The following UNC5C variants were observed in gnomAD, a reference collection of about 807,000 sequenced individuals.
UNC5C encodes the protein netrin receptor UNC5C.
A neutral mutation model predicts 99.8 loss-of-function variants in UNC5C; 47 were observed. The observed-to-expected ratio is 0.47, with a 90% CI of 0.37 to 0.60. The LOEUF is 0.60. Ranked by LOEUF, UNC5C falls within the 20% of genes least tolerant of loss-of-function variation. The pLI is 0.00. For synonymous variants in UNC5C, 487 were observed against 452.2 expected (o/e 1.08, Z -0.98); for missense variants, 1,062 against 1,165.9 (o/e 0.91, Z 1.30).
intron 2 of UNC5C, among the ~76,000 whole-genome samples, chr4:95,314,942 A>C (rs988360): frequency 0.85 from 128,955 of 152,154 alleles, 55,026 homozygotes; most frequent in African/African-American, 0.95. Context: ...TAGTAAATTC[A>C]TCTGCATTTT....
At chr4:95,357,680 T>C (rs185746243) in intron 1 of UNC5C, among the ~76,000 whole-genome samples, 2 of 152,096 alleles carry the variant, frequency 1.3e-5, no homozygotes, top group East Asian at 3.9e-4. Context: ...TGGTCTCAGC[T>C]ACTGGGAAGC....
At position 95,301,497 on chromosome 4, in the gene UNC5C, T is replaced by G. The variant is rs1351888921; in HGVS notation, c.490+109A>C. 1.7e-5 allele frequency: 26 copies of G among 1,508,042 alleles called. No individual in the cohort carries two copies. In the East Asian group the frequency reaches 5.9e-4, roughly 34 times the overall value. The allele number at this position is 1,508,042 out of a possible 1,614,324, so 93.4% of individuals were successfully genotyped here. The stretch of plus-strand genomic sequence containing the variant: ...GGCGTGAGTCACCGCGCCTGGCCTT[T>G]CCAGGATTTTTGACCAGTTTTCTTT... On this transcript the variant is annotated intron_variant, in intron 3 of 15. Transcript: ENST00000453304.
At chr4:95,454,496 CAAA>C (rs1747375734) in intron 1 of UNC5C, among the ~76,000 whole-genome samples, 1 of 151,966 alleles carries the variant, frequency 6.6e-6, no homozygotes, top group Non-Finnish European at 1.5e-5. Flanking sequence ...GAGTATTCTC[CAAA>C]ACGTTATTTT....
At chr4:95,194,986 C>T (rs1172396076) in intron 12 of UNC5C, among the ~76,000 whole-genome samples, 1 of 152,016 alleles carries the variant, frequency 6.6e-6, no homozygotes. Context: ...CAAAAATATC[C>T]CTGTGACTAA....
chr4:95,249,613 A>G (rs1739621223), intron 5 of UNC5C, among the ~76,000 whole-genome samples: 1 of 152,222 alleles, frequency 6.6e-6, no homozygotes, highest in Non-Finnish European at 1.5e-5. Context: ...TGAAATGACT[A>G]GAAAATAACT....
intron 1 of UNC5C, among the ~76,000 whole-genome samples, chr4:95,442,234 G>T (rs560830921): frequency 2.0e-5 from 3 of 151,964 alleles, no homozygotes; most frequent in South Asian, 2.1e-4. Flanking sequence ...AACAGGGTTT[G>T]GTCTGTTGCC....
At chr4:95,188,203 A>C (rs1252969111) in intron 12 of UNC5C, among the ~76,000 whole-genome samples, 2 of 152,076 alleles carry the variant, frequency 1.3e-5, no homozygotes, top group Non-Finnish European at 2.9e-5. Context: ...TTGTCCTTTC[A>C]CTAGTACCTG....
chr4:95,462,839 T>C (rs1414450540), intron 1 of UNC5C, among the ~76,000 whole-genome samples: 2 of 152,148 alleles, frequency 1.3e-5, no homozygotes, highest in Non-Finnish European at 2.9e-5. Context: ...GATCCTTTGA[T>C]TAAGGTAGAC....
chr4:95,307,446 A>G (rs904089584), intron 2 of UNC5C, among the ~76,000 whole-genome samples: 1 of 152,194 alleles, frequency 6.6e-6, no homozygotes, highest in Non-Finnish European at 1.5e-5. Flanking sequence ...ATGAAGGAAT[A>G]GAAAACCTGA....
At chr4:95,352,782 C>T (rs183913576) in intron 1 of UNC5C, among the ~76,000 whole-genome samples, 190 of 152,228 alleles carry the variant, frequency 1.2e-3, no homozygotes, top group African/African-American at 3.4e-3. Flanking sequence ...TTTTCATCAC[C>T]AGGACTCAAG....
intron 12 of UNC5C, among the ~76,000 whole-genome samples, chr4:95,192,406 TC>T (rs1333082033): frequency 2.4e-5 from 1 of 41,680 alleles, no homozygotes; most frequent in Non-Finnish European, 4.5e-5. Context: ...GCCCACCTCC[TC>T]CCCCCTTCTC....
rs182070343 is a variant in UNC5C, at chr4:95,297,388, G to A, written c.490+4218C>T. Among the ~76,000 whole-genome samples, 121 of 152,212 alleles carry A rather than the reference G, an allele frequency of 7.9e-4. 1 individual carries two copies. Among genetic ancestry groups the A allele is most frequent in the African/African-American group, 2.6e-3 (110 of 41,536 alleles). On this transcript the variant is annotated intron_variant, in intron 3 of 15. Coordinates refer to ENST00000453304, the MANE Select transcript of UNC5C (RefSeq NM_003728.4). ...TTCTCAGAGAGGAAAGATTAATGTC[G>A]AGCATTTGAACAAACTTCACTGGGA... is the stretch of plus-strand genomic sequence containing the variant.
chr4:95,325,310 G>A (rs10002089), intron 2 of UNC5C, among the ~76,000 whole-genome samples: 19,274 of 152,094 alleles, frequency 0.13, 1,358 homozygotes, highest in African/African-American at 0.17. Context: ...ATAACTACTT[G>A]GAGAATAAAC....
intron 1 of UNC5C, among the ~76,000 whole-genome samples, chr4:95,455,850 C>T (rs1335118396): frequency 6.6e-6 from 1 of 151,992 alleles, no homozygotes; most frequent in Non-Finnish European, 1.5e-5. Context: ...CTACATCCAC[C>T]ATGTCCATAG....
intron 12 of UNC5C, among the ~76,000 whole-genome samples, chr4:95,194,560 T>A (rs1193609455): frequency 6.6e-6 from 1 of 152,132 alleles, no homozygotes; most frequent in Non-Finnish European, 1.5e-5. Flanking sequence ...ATTCTTTGGC[T>A]CACGGTCCCC....
chr4:95,370,094 A>G (rs185002414), intron 1 of UNC5C, among the ~76,000 whole-genome samples: 197 of 152,340 alleles, frequency 1.3e-3, no homozygotes, highest in Admixed American at 2.5e-3. Flanking sequence ...CACATTAGCC[A>G]GTAGCCATAT....
rs1735761365 is a variant in UNC5C, at chr4:95,163,782, G to A, written c.*5452C>T. The A allele has an allele frequency of 6.6e-6, 1 of 152,312 alleles. No individual in the cohort carries two copies. Among genetic ancestry groups the A allele is most frequent in the East Asian group, 1.9e-4 (1 of 5,188 alleles). 9.4% of individuals were successfully genotyped at this position (152,312 alleles called of 1,614,324 possible). Reference sequence around the variant, plus strand: ...CTCAGAAGCTAGTTGGGCCACAACTGTCACGACATTCTGCAGAGATTCCCA... The same window carrying A: ...CTCAGAAGCTAGTTGGGCCACAACTATCACGACATTCTGCAGAGATTCCCA... On this transcript the variant is annotated 3_prime_UTR_variant, in exon 16 of 16. Coordinates refer to ENST00000453304, the MANE Select transcript of UNC5C (RefSeq NM_003728.4).
chr4:95,249,383 T>C (rs927004233), intron 5 of UNC5C, among the ~76,000 whole-genome samples: 2 of 152,202 alleles, frequency 1.3e-5, no homozygotes, highest in African/African-American at 4.8e-5. Flanking sequence ...ATAAAAATCT[T>C]CATTATGTTC....
chr4:95,301,352 T>C (rs1036148284), intron 3 of UNC5C, among the ~76,000 whole-genome samples: 3 of 152,134 alleles, frequency 2.0e-5, no homozygotes, highest in Non-Finnish European at 2.9e-5. Context: ...CCTGCCACCA[T>C]GCCCGGCTAA....
Sources: allele counts gnomAD v4.1 joint callset (sites outside exome capture counted in the v4.1 genomes callset), GRCh38; gene constraint gnomAD v4.1.1; transcripts MANE v1.5; gene names NCBI Gene and HGNC (gene_info 2026-07-23, HGNC 2026-07-21).